The following MTAP variants were observed in gnomAD, a reference collection of about 807,000 sequenced individuals.
MTAP encodes methylthioadenosine phosphorylase.
A neutral mutation model predicts 33.6 loss-of-function variants in MTAP; 33 were observed. That is an observed-to-expected ratio of 0.98 (90% CI 0.74 to 1.31). The LOEUF is 1.31. Ranked by LOEUF, MTAP falls within the 40% of genes most tolerant of loss-of-function variation. MTAP has a pLI of 0.00. For missense variants in MTAP, 367 were observed against 360.0 expected (o/e 1.02, Z -0.16); for synonymous variants, 148 against 125.7 (o/e 1.18, Z -1.19).
intron 4 of MTAP, among the ~76,000 whole-genome samples, chr9:21,819,501 TG>T (rs1330585863): frequency 2.6e-5 from 4 of 152,236 alleles, no homozygotes; most frequent in Non-Finnish European, 5.9e-5. Context: ...TAGTATTCCA[TG>T]GTGTATATGT....
Position 21,930,136 on chromosome 9 carries a change from G to C in MTAP, c.148-872G>C, listed in dbSNP as rs534981192. ...CCAACCTCAGCTCCACAGCAGAATG[G>C]GTTCTAATGGAGTAAACTCAAAATT... On this transcript the variant is annotated intron_variant, in intron 1 of 1. Transcript: ENST00000577563. 37 of 437,728 alleles carry C rather than the reference G, an allele frequency of 8.5e-5. 1 individual carries two copies. Among genetic ancestry groups the C allele is most frequent in the South Asian group, 6.7e-4 (37 of 55,148 alleles). 27.1% of individuals were successfully genotyped at this position (437,728 alleles called of 1,614,324 possible).
At position 21,811,250 on chromosome 9, in the gene MTAP, A is replaced by G. The variant is rs77621213; in HGVS notation, c.34-4183A>G. Among the ~76,000 whole-genome samples the G allele has an allele frequency of 8.6e-3, 1,306 of 152,284 alleles. 16 individuals are homozygous for G. The highest frequency in any genetic ancestry group is 0.034 in the East Asian group (174 of 5,174). On this transcript the variant is annotated intron_variant, in intron 1 of 7. Coordinates refer to ENST00000644715, the MANE Select transcript of MTAP (RefSeq NM_002451.4). ...TGCCCAGGCCTCAAAGTGATGGTGA[A>G]TGGTTTCTGGGACAAAGAAGGGTTG...
chr9:21,818,484 T>A (rs1045580384), intron 4 of MTAP, among the ~76,000 whole-genome samples: 1 of 151,998 alleles, frequency 6.6e-6, no homozygotes, highest in Non-Finnish European at 1.5e-5. Context: ...CATGCCACAA[T>A]GCCCAGCTAA....
intron 1 of MTAP, among the ~76,000 whole-genome samples, chr9:21,910,131 A>G (rs575235324): frequency 6.6e-6 from 1 of 152,276 alleles, no homozygotes; most frequent in South Asian, 2.1e-4. Context: ...ACCATTGTAT[A>G]ATATCTCCAT....
At chr9:21,827,484 C>T (rs1271273291) in intron 4 of MTAP, among the ~76,000 whole-genome samples, 1 of 152,186 alleles carries the variant, frequency 6.6e-6, no homozygotes, top group East Asian at 1.9e-4. Flanking sequence ...TTCTGTAGGT[C>T]AGAAATGGTT....
chr9:21,857,106 A>G (rs912241302), intron 6 of MTAP, among the ~76,000 whole-genome samples: 3 of 152,158 alleles, frequency 2.0e-5, no homozygotes, highest in Non-Finnish European at 4.4e-5. Flanking sequence ...AAAAGCATTT[A>G]AACTGCACCT....
At chr9:21,839,899 A>T (rs1290523308) in intron 5 of MTAP, among the ~76,000 whole-genome samples, 1 of 152,226 alleles carries the variant, frequency 6.6e-6, no homozygotes, top group East Asian at 1.9e-4. Context: ...TTAACAAAAA[A>T]AGCTGGTAAC....
intron 5 of MTAP, among the ~76,000 whole-genome samples, chr9:21,851,353 A>T (rs1027715873): frequency 9.8e-5 from 15 of 152,360 alleles, no homozygotes; most frequent in African/African-American, 3.6e-4. Context: ...TGTTAAAAAC[A>T]TGTTTGTGCA....
intron 1 of MTAP, among the ~76,000 whole-genome samples, chr9:21,805,322 C>T (rs1484055870): frequency 6.6e-6 from 1 of 152,228 alleles, no homozygotes; most frequent in African/African-American, 2.4e-5. Context: ...TCAAATCTAG[C>T]CATCTACTGG....
intron 4 of MTAP, among the ~76,000 whole-genome samples, chr9:21,828,585 G>A (rs1026583918): frequency 6.6e-6 from 1 of 152,134 alleles, no homozygotes; most frequent in Non-Finnish European, 1.5e-5. Context: ...TGAGGCAGGA[G>A]AATTGCTTGA....
intron 1 of MTAP, among the ~76,000 whole-genome samples, chr9:21,804,629 GCAA>G (rs1824158020): frequency 6.6e-6 from 1 of 152,184 alleles, no homozygotes; most frequent in Non-Finnish European, 1.5e-5. Context: ...GACTTCTAAG[GCAA>G]CATTCTGTAT....
chr9:21,845,030 C>A (rs1224707413), intron 5 of MTAP, among the ~76,000 whole-genome samples: 632 of 121,146 alleles, frequency 5.2e-3, no homozygotes, highest in African/African-American at 5.1e-3. Context: ...GACTCCGTCT[C>A]AAAAAAAAAA....
In MTAP at chr9:21,865,475, G is replaced by A. The variant is rs1484854853; in HGVS notation, c.*3461G>A. 3.0e-6 allele frequency: 3 copies of A among 985,346 alleles called. No individual in the cohort carries two copies. The highest frequency in any genetic ancestry group is 3.6e-6 in the Non-Finnish European group (3 of 829,958). The allele number at this position is 985,346 out of a possible 1,614,324, so 61.0% of individuals were successfully genotyped here. ...AATGTTTTGAAGATTGTTGCACCTTGGAACTACCAGTGTGCACACAATCTG... is the reference window on the plus strand; with the variant it reads ...AATGTTTTGAAGATTGTTGCACCTTAGAACTACCAGTGTGCACACAATCTG... On this transcript the variant is annotated 3_prime_UTR_variant, in exon 8 of 8. Transcript: ENST00000644715.
chr9:21,928,404 G>T (rs531150853), intron 1 of MTAP, among the ~76,000 whole-genome samples: 1 of 152,276 alleles, frequency 6.6e-6, no homozygotes, highest in African/African-American at 2.4e-5. Context: ...TACATACTCT[G>T]GGGAGGACTG....
chr9:21,931,315 G>A, downstream of MTAP: 1 of 573,590 alleles, frequency 1.7e-6, no homozygotes, highest in Non-Finnish European at 3.1e-6. Context: ...TTTTTGCGGG[G>A]GAAAATGTTA....
At chr9:21,939,819 G>C (rs747225627), downstream of MTAP, among the ~76,000 whole-genome samples, 17 of 152,124 alleles carry the variant, frequency 1.1e-4, no homozygotes, top group Non-Finnish European at 1.9e-4. Context: ...GGAGGTGGAG[G>C]CTGAAGTGAT....
rs188663692 is a variant in MTAP at position 21,882,753 on chromosome 9, T to A, written c.147+27883T>A. Among the ~76,000 whole-genome samples the A allele has an allele frequency of 1.9e-4, 29 of 152,152 alleles. No homozygotes were observed. The Middle Eastern group carries it at 0.017, about 89-fold the overall frequency. ...TAGAACAAATTGTCTCAATAAATTT[T>A]AAAGTAACTCTGGGTTTTTATCTAA... On this transcript the variant is annotated intron_variant, in intron 1 of 1. Coordinates refer to the MTAP transcript ENST00000577563.
intron 5 of MTAP, among the ~76,000 whole-genome samples, chr9:21,849,438 G>A (rs763889605): frequency 1.9e-4 from 29 of 152,144 alleles, no homozygotes; most frequent in Non-Finnish European, 3.7e-4. Context: ...CAGGTCTGAC[G>A]TGCAGTGGGT....
chr9:21,875,358 C>CT (rs895336137), intron 1 of MTAP, among the ~76,000 whole-genome samples: 1 of 152,040 alleles, frequency 6.6e-6, no homozygotes, highest in Non-Finnish European at 1.5e-5. Context: ...TGATGTTGAG[C>CT]TTTTTTTCAT....
Sources: allele counts gnomAD v4.1 joint callset (sites outside exome capture counted in the v4.1 genomes callset), GRCh38; gene constraint gnomAD v4.1.1; transcripts MANE v1.5; gene names NCBI Gene and HGNC (gene_info 2026-07-23, HGNC 2026-07-21).